SAMMSON: variants seen among roughly 807,000 people sequenced by gnomAD.
The protein encoded by SAMMSON is survival associated mitochondrial melanoma specific oncogenic non-coding RNA.
chr3:70,068,647 G>T (rs914008789), intron 3 of SAMMSON: 5 of 152,072 alleles, frequency 3.3e-5, no homozygotes, highest in Non-Finnish European at 7.4e-5. Flanking sequence ...CATGTTTAAA[G>T]AGAGAGCGAG....
At chr3:70,234,078 T>C (rs1245092723) in intron 4 of SAMMSON, among the ~76,000 whole-genome samples, 1 of 152,158 alleles carries the variant, frequency 6.6e-6, no homozygotes, top group Non-Finnish European at 1.5e-5. Context: ...AAAATTCTGA[T>C]ACACACATTA....
intron 6 of SAMMSON, among the ~76,000 whole-genome samples, chr3:70,270,189 C>T (rs1701963281): frequency 6.6e-6 from 1 of 152,020 alleles, no homozygotes; most frequent in South Asian, 2.1e-4. Context: ...AGACTAACAA[C>T]TTTGAAAAAA....
intron 7 of SAMMSON, among the ~76,000 whole-genome samples, chr3:70,318,186 AT>A (rs1702508461): frequency 6.6e-6 from 1 of 151,638 alleles, no homozygotes; most frequent in African/African-American, 2.4e-5. Context: ...TTGGCCCATC[AT>A]TTTTTCAGAT....
At position 70,323,485 on chromosome 3, in the gene SAMMSON, T is replaced by C. The variant is rs570931094; in HGVS notation, n.740-30690T>C. Among the ~76,000 whole-genome samples the C allele has an allele frequency of 7.9e-5, 12 of 152,254 alleles. No homozygotes were observed. The South Asian group carries it at 2.1e-3, about 26-fold the overall frequency. ...AGAGTTGCAATGGTTGCCTGATCCA[T>C]GTTGTAAGCTGGTACATGCAGCCAT... On this transcript the variant is annotated intron_variant and non_coding_transcript_variant, in intron 7 of 9. Coordinates refer to ENST00000642114, the Ensembl canonical transcript of SAMMSON.
intron 9 of SAMMSON, among the ~76,000 whole-genome samples, chr3:70,378,032 A>G (rs1012652155): frequency 1.3e-5 from 2 of 152,018 alleles, no homozygotes; most frequent in Non-Finnish European, 2.9e-5. Flanking sequence ...TAATATGGAA[A>G]TATGTATTTC....
intron 7 of SAMMSON, among the ~76,000 whole-genome samples, chr3:70,304,181 C>A (rs1312105581): frequency 6.6e-6 from 1 of 152,090 alleles, no homozygotes; most frequent in Non-Finnish European, 1.5e-5. Flanking sequence ...TGAAGATGTC[C>A]CAGTCACTCC....
At chr3:70,297,143 T>C (rs1702297296) in intron 7 of SAMMSON, among the ~76,000 whole-genome samples, 1 of 152,158 alleles carries the variant, frequency 6.6e-6, no homozygotes, top group Non-Finnish European at 1.5e-5. Context: ...TAAAAAAATA[T>C]TTTTATGCAC....
At chr3:70,360,780 T>A (rs1702865177) in intron 9 of SAMMSON, among the ~76,000 whole-genome samples, 1 of 152,136 alleles carries the variant, frequency 6.6e-6, no homozygotes, top group Non-Finnish European at 1.5e-5. Flanking sequence ...TTTGGAAAAG[T>A]TTGTATGTGC....
chr3:70,374,620 G>A (rs947154497), intron 9 of SAMMSON, among the ~76,000 whole-genome samples: 1 of 152,098 alleles, frequency 6.6e-6, no homozygotes, highest in African/African-American at 2.4e-5. Flanking sequence ...TGATCTCCAT[G>A]TGGCCTCCAC....
intron 4 of SAMMSON, among the ~76,000 whole-genome samples, chr3:70,219,169 C>T (rs1230030923): frequency 2.6e-5 from 4 of 152,096 alleles, no homozygotes; most frequent in African/African-American, 9.7e-5. Flanking sequence ...TTCTAAAACA[C>T]CTTTAAAAAT....
chr3:70,180,182 C>G (rs7620191), intron 4 of SAMMSON, among the ~76,000 whole-genome samples: 18,513 of 152,026 alleles, frequency 0.12, 1,267 homozygotes, highest in Non-Finnish European at 0.16. Flanking sequence ...AGAAACCTCA[C>G]ATAGATAACT....
chr3:70,348,624 A>G (rs1702770080), intron 7 of SAMMSON, among the ~76,000 whole-genome samples: 1 of 152,080 alleles, frequency 6.6e-6, no homozygotes, highest in South Asian at 2.1e-4. Flanking sequence ...CAACATATGA[A>G]TTTTAGGGGG....
intron 6 of SAMMSON, among the ~76,000 whole-genome samples, chr3:70,290,433 G>T (rs1312866043): frequency 2.0e-5 from 3 of 152,188 alleles, no homozygotes; most frequent in Admixed American, 6.5e-5. Flanking sequence ...ATCTCCAGCT[G>T]CGTACTGGGA....
In SAMMSON at chr3:70,317,622, A is replaced by G. The variant is rs1451246182; in HGVS notation, n.739+26379A>G. 3.3e-5 allele frequency among the ~76,000 whole-genome samples: 5 copies of G among 150,680 alleles called. No individual in the cohort carries two copies. The East Asian group carries it at 9.7e-4, about 29-fold the overall frequency. ...TATATATATATGTATGTATATATGTATATATATATATGGATATACACGCGT... is the reference window on the plus strand; with the variant it reads ...TATATATATATGTATGTATATATGTGTATATATATATGGATATACACGCGT... On this transcript the variant is annotated intron_variant and non_coding_transcript_variant, in intron 7 of 9. Coordinates refer to ENST00000642114, the Ensembl canonical transcript of SAMMSON.
At chr3:70,368,226 T>G (rs189885267) in intron 9 of SAMMSON, among the ~76,000 whole-genome samples, 36 of 151,666 alleles carry the variant, frequency 2.4e-4, no homozygotes, top group Admixed American at 7.9e-4. Flanking sequence ...GTTTTCTTAT[T>G]TACTTCAACA....
rs9852663 is a variant in SAMMSON at position 70,080,950 on chromosome 3, G to A, written n.507+9385G>A. 2.6e-3 allele frequency among the ~76,000 whole-genome samples: 390 copies of A among 152,280 alleles called. 1 individual carries two copies. Among genetic ancestry groups the A allele is most frequent in the African/African-American group, 9.1e-3 (377 of 41,558 alleles). ...TTCACTCCATGTGCAGCCCAGGGAG[G>A]TGGGTATTTTGTAATGCCTACAAAA... On this transcript the variant is annotated intron_variant and non_coding_transcript_variant, in intron 4 of 9. Transcript: ENST00000642114.
intron 6 of SAMMSON, among the ~76,000 whole-genome samples, chr3:70,279,638 G>T (rs949523873): frequency 3.9e-5 from 6 of 152,144 alleles, no homozygotes; most frequent in Non-Finnish European, 8.8e-5. Flanking sequence ...TGCGCTACAT[G>T]CTGAGTCCTA....
intron 7 of SAMMSON, among the ~76,000 whole-genome samples, chr3:70,336,530 G>A (rs574529349): frequency 4.3e-4 from 66 of 152,004 alleles, no homozygotes; most frequent in Non-Finnish European, 3.7e-4. Flanking sequence ...AAATTTGTGG[G>A]AGTCAGAAAA....
intron 4 of SAMMSON, among the ~76,000 whole-genome samples, chr3:70,077,759 G>T (rs182333689): frequency 3.5e-4 from 53 of 152,208 alleles, no homozygotes; most frequent in African/African-American, 1.1e-3. Context: ...TTAGTTAATT[G>T]CACACATCTC....
Sources: allele counts gnomAD v4.1 joint callset (sites outside exome capture counted in the v4.1 genomes callset), GRCh38; gene constraint gnomAD v4.1.1; transcripts MANE v1.5; gene names NCBI Gene and HGNC (gene_info 2026-07-23, HGNC 2026-07-21).